XPNPEP3: variants seen among roughly 807,000 people sequenced by gnomAD.
The protein encoded by XPNPEP3 is X-prolyl aminopeptidase 3.
Under a neutral mutation model 60.0 loss-of-function variants are expected in XPNPEP3, and 41 were observed. The observed-to-expected ratio is 0.68, with a 90% confidence interval of 0.53 to 0.89. The LOEUF is 0.89. Ranked by LOEUF, XPNPEP3 falls within the 40% of genes least tolerant of loss-of-function variation. The pLI, the probability that XPNPEP3 is intolerant of heterozygous loss-of-function variation, is 0.00. For missense variants in XPNPEP3, 598 were observed against 638.9 expected (o/e 0.94, Z 0.69); for synonymous variants, 212 against 223.2 (o/e 0.95, Z 0.45).
intron 2 of XPNPEP3, among the ~76,000 whole-genome samples, chr22:40,878,166 A>G (rs1387131254): frequency 2.6e-5 from 4 of 151,414 alleles, no homozygotes; most frequent in African/African-American, 4.9e-5. Context: ...AGATTGTGCC[A>G]TTGTACTCCA....
At chr22:40,883,500 C>T (rs866875830) in intron 3 of XPNPEP3, among the ~76,000 whole-genome samples, 2 of 152,072 alleles carry the variant, frequency 1.3e-5, no homozygotes, top group East Asian at 3.9e-4. Context: ...CTGGGACTAC[C>T]TGGGCACACC....
At chr22:40,880,499 T>G (rs1456467246) in intron 2 of XPNPEP3, among the ~76,000 whole-genome samples, 3 of 149,858 alleles carry the variant, frequency 2.0e-5, no homozygotes, top group Non-Finnish European at 4.4e-5. Flanking sequence ...AGATACATAC[T>G]AGATTACAAA....
At chr22:40,863,096 C>T (rs2057960425) in intron 1 of XPNPEP3, among the ~76,000 whole-genome samples, 2 of 152,098 alleles carry the variant, frequency 1.3e-5, no homozygotes, top group African/African-American at 4.8e-5. Context: ...TTGGTTGTTG[C>T]CAGTTGGGGC....
At chr22:40,923,227 A>AAG (rs1807996600) in intron 8 of XPNPEP3, among the ~76,000 whole-genome samples, 1 of 151,252 alleles carries the variant, frequency 6.6e-6, no homozygotes, top group African/African-American at 2.4e-5. Flanking sequence ...AAAAAAAAAA[A>AAG]GAGAGAGAGA....
At chr22:40,895,138 T>G (rs1569024414) in intron 4 of XPNPEP3, among the ~76,000 whole-genome samples, 1 of 152,126 alleles carries the variant, frequency 6.6e-6, no homozygotes, top group Non-Finnish European at 1.5e-5. Flanking sequence ...TTGCCTGGCA[T>G]CCATGGGCAA....
At chr22:40,871,587 A>G (rs769271837) in intron 2 of XPNPEP3, among the ~76,000 whole-genome samples, 8 of 152,150 alleles carry the variant, frequency 5.3e-5, no homozygotes, top group Non-Finnish European at 8.8e-5. Context: ...TTTAATTACT[A>G]ATAATCCCAC....
At chr22:40,884,950 C>T (rs2058062822) in intron 3 of XPNPEP3, among the ~76,000 whole-genome samples, 1 of 151,676 alleles carries the variant, frequency 6.6e-6, no homozygotes, top group African/African-American at 2.4e-5. Flanking sequence ...ATTGCTTGAA[C>T]CAGGGAGGTG....
At chr22:40,901,238 T>TTTTTTA (rs922582435) in intron 4 of XPNPEP3, among the ~76,000 whole-genome samples, 2 of 146,420 alleles carry the variant, frequency 1.4e-5, no homozygotes, top group African/African-American at 5.0e-5. Flanking sequence ...TTAAAGAACT[T>TTTTTTA]TTTTTTTTTT....
intron 9 of XPNPEP3, among the ~76,000 whole-genome samples, chr22:40,925,928 T>C (rs2058233049): frequency 6.6e-6 from 1 of 152,150 alleles, no homozygotes; most frequent in African/African-American, 2.4e-5. Flanking sequence ...CCCCCACATA[T>C]ATTGACGTAC....
At chr22:40,884,452 C>G (rs1318293084) in intron 3 of XPNPEP3, among the ~76,000 whole-genome samples, 2 of 151,654 alleles carry the variant, frequency 1.3e-5, no homozygotes, top group African/African-American at 4.8e-5. Context: ...GCCTCAGCCT[C>G]CCGTGTAGCT....
intron 6 of XPNPEP3, among the ~76,000 whole-genome samples, chr22:40,910,491 A>G (rs2058173159): frequency 6.6e-6 from 1 of 151,566 alleles, no homozygotes; most frequent in African/African-American, 2.4e-5. Context: ...GATCCCTTGA[A>G]TGCAGGAGTT....
At position 40,882,052 on chromosome 22, in the gene XPNPEP3, G is replaced by A. The variant is rs755653400; in HGVS notation, c.464G>A (p.Arg155Gln). 31 of 1,613,908 alleles carry A rather than the reference G, an allele frequency of 1.9e-5. No homozygotes were observed. The highest frequency in any genetic ancestry group is 8.0e-5 in the African/African-American group (6 of 74,860). The change falls in exon 3 of 10, where the codon CGG becomes CAG. Residue 155 changes from arginine to glutamine, a missense_variant. Coordinates refer to ENST00000357137, the MANE Select transcript of XPNPEP3 (RefSeq NM_022098.4). ...PSHKAILFVPRRDPSRELWDG... is the reference protein window; with the variant it reads ...PSHKAILFVPQRDPSRELWDG... ...CACAAAGCCATACTTTTTGTGCCTC[G>A]GCGAGATCCCAGTCGAGAACTTTGG... is the stretch of plus-strand genomic sequence containing the variant.
chr22:40,929,315 C>T lies in XPNPEP3; in HGVS notation c.*2880C>T, dbSNP rs892771812. The T allele has an allele frequency of 2.6e-5, 4 of 152,062 alleles. No homozygotes were observed. Among genetic ancestry groups the T allele is most frequent in the African/African-American group, 9.7e-5 (4 of 41,284 alleles). The allele number at this position is 152,062 out of a possible 1,614,324, so 9.4% of individuals were successfully genotyped here. Reference sequence around the variant, plus strand: ...CAAGCGATTCTCCTGCCTCAGCCTCCCGAATAGCTAGGAATACAGGCGCCT... The same window carrying T: ...CAAGCGATTCTCCTGCCTCAGCCTCTCGAATAGCTAGGAATACAGGCGCCT... On this transcript the variant is annotated 3_prime_UTR_variant, in exon 10 of 10. Transcript: ENST00000357137.
At chr22:40,907,779 GA>G (rs1425949449) in intron 5 of XPNPEP3, 130 bp downstream of exon 5, 11 of 900,954 alleles carry the variant, frequency 1.2e-5, no homozygotes, top group Non-Finnish European at 2.0e-5. Context: ...ATTTGGTTCT[GA>G]AATATCACTG....
At chr22:40,913,335 G>A (rs1436756277) in intron 6 of XPNPEP3, among the ~76,000 whole-genome samples, 2 of 151,708 alleles carry the variant, frequency 1.3e-5, no homozygotes, top group African/African-American at 4.8e-5. Context: ...CTACTTGAGA[G>A]GCTGAGGCAG....
In XPNPEP3 at chr22:40,903,873, G is replaced by GTC. The variant is rs1227906389; in HGVS notation, c.793-3713_793-3712dup. On this transcript the variant is annotated intron_variant, in intron 4 of 9. Coordinates refer to ENST00000357137, the MANE Select transcript of XPNPEP3 (RefSeq NM_022098.4). ...GATCCCTCCCCCCATCTCTCTCTCT[G>GTC]TCACACACACACACACACACACACA... 9.7e-5 allele frequency among the ~76,000 whole-genome samples: 6 copies of GTC among 61,868 alleles called. No homozygotes were observed. The South Asian group carries it at 3.3e-3, about 34-fold the overall frequency. The allele number at this position is 61,868 out of a possible 152,430, so 40.6% of individuals were successfully genotyped here. A position where few individuals can be genotyped will look rare whatever the true frequency, so the allele number is the denominator to read the frequency against.
At chr22:40,857,972 A>C (rs778019858) in intron 1 of XPNPEP3, among the ~76,000 whole-genome samples, 1 of 152,242 alleles carries the variant, frequency 6.6e-6, no homozygotes, top group Non-Finnish European at 1.5e-5. Flanking sequence ...TTAAAATGGA[A>C]TGTTAATTAC....
intron 4 of XPNPEP3, among the ~76,000 whole-genome samples, chr22:40,898,224 C>CTTTTTTTTTTTTTTTT (rs1405343173): frequency 1.4e-5 from 1 of 70,228 alleles, no homozygotes; most frequent in Non-Finnish European, 2.8e-5. Flanking sequence ...GTCTTTGACC[C>CTTTTTTTTTTTTTTTT]ATTTTTTTTT....
rs554577135 is a variant in XPNPEP3, at chr22:40,899,640, G to T, written c.793-7947G>T. Among the ~76,000 whole-genome samples the T allele has an allele frequency of 2.6e-5, 4 of 152,068 alleles. No individual in the cohort carries two copies. The South Asian group carries it at 8.3e-4, about 32-fold the overall frequency. On this transcript the variant is annotated intron_variant, in intron 4 of 9. Transcript: ENST00000357137. ...ATAAGACCATCCTGGCCAACATGGT[G>T]ATACCTCATCTCTACTAAAAATACA...
Sources: gnomAD v4.1 joint callset for allele counts (sites outside exome capture counted in the v4.1 genomes callset) on GRCh38, gnomAD v4.1.1 for gene constraint, MANE v1.5 for transcripts, NCBI Gene and HGNC (gene_info 2026-07-23, HGNC 2026-07-21) for gene names.